The following FAM83E variants were observed in gnomAD, a reference collection of about 807,000 sequenced individuals.
FAM83E encodes protein FAM83E.
A neutral mutation model predicts 34.3 loss-of-function variants in FAM83E; 29 were observed. That is an observed-to-expected ratio of 0.85 (90% CI 0.63 to 1.15). The LOEUF (loss-of-function observed/expected upper bound fraction) is 1.15, where lower values mean the gene tolerates loss of function less well. Ranked by LOEUF, FAM83E falls within the 50% of genes most tolerant of loss-of-function variation. FAM83E has a pLI of 0.00. For missense variants in FAM83E, 697 were observed against 685.0 expected (o/e 1.02, Z -0.20); for synonymous variants, 312 against 311.6 (o/e 1.00, Z -0.01).
chr19:48,608,956 A>G (rs1336722063), intron 5 of FAM83E, among the ~76,000 whole-genome samples: 1 of 151,984 alleles, frequency 6.6e-6, no homozygotes, highest in East Asian at 2.0e-4. Context: ...TGGAGGCTGA[A>G]GATGCCGAGG....
rs546531117 is a variant in FAM83E at position 48,613,478 on chromosome 19, C to A, written c.-106G>T. 1.4e-6 allele frequency: 2 copies of A among 1,432,102 alleles called. No individual in the cohort carries two copies. The highest frequency in any genetic ancestry group is 5.0e-5 in the East Asian group (2 of 39,952). 88.7% of individuals were successfully genotyped at this position (1,432,102 alleles called of 1,614,324 possible). ...TGGGGGTTCTCCTGATAGGCAGACC[C>A]TACGTGGCCATCCGAGGCCTCCGGC... On this transcript the variant is annotated 5_prime_UTR_variant, in exon 3 of 7. It adds an upstream start codon to the 5' untranslated region. Coordinates refer to ENST00000263266, the MANE Select transcript of FAM83E (RefSeq NM_017708.4).
chr19:48,610,684 G>T lies in FAM83E; in HGVS notation c.629C>A (p.Thr210Lys). The T allele has an allele frequency of 6.4e-7, 1 of 1,566,374 alleles. No homozygotes were observed. The highest frequency in any genetic ancestry group is 8.7e-7 in the Non-Finnish European group (1 of 1,155,854). ...AQQLGVNPWN[T>K]ENVDVRVVRG... ...ACCCCCTGGCCCGGCCCCTACCTCC[G>T]TGTTCCAGGGGTTCACCCCCAGCTG... is the stretch of plus-strand genomic sequence containing the variant. Residue 210 changes from threonine (T) to lysine (K), a missense_variant, in exon 4 of 7, where the codon ACG (threonine) becomes AAG (lysine). Thr to Lys is a moderately conservative substitution (Grantham distance 78, BLOSUM62 -1). Coordinates refer to ENST00000263266, the MANE Select transcript of FAM83E (RefSeq NM_017708.4).
intron 3 of FAM83E, among the ~76,000 whole-genome samples, chr19:48,612,358 C>G (rs1384334243): frequency 2.6e-5 from 4 of 151,022 alleles, no homozygotes; most frequent in Non-Finnish European, 5.9e-5. Context: ...GGCATCGATA[C>G]CTAAGGGCAT....
intron 5 of FAM83E, among the ~76,000 whole-genome samples, chr19:48,605,954 C>T (rs1470504047): frequency 6.6e-6 from 1 of 152,134 alleles, no homozygotes; most frequent in Admixed American, 6.6e-5. Flanking sequence ...GCCCTGAGAG[C>T]CTGTGAGCTG....
At position 48,614,180 on chromosome 19, in the gene FAM83E, C is replaced by T; in HGVS notation, c.-808G>A. On this transcript the variant is annotated 5_prime_UTR_variant, in exon 3 of 7. Transcript: ENST00000263266. ...TCAATGGGGGACCCTGCTCCCTGGA[C>T]CCTCCTCACACTCCTTCCAGCTGCT... 1.0e-6 allele frequency: 1 copy of T among 985,848 alleles called. No individual in the cohort carries two copies. Among genetic ancestry groups the T allele is most frequent in the South Asian group, 4.7e-5 (1 of 21,294 alleles). The allele number at this position is 985,848 out of a possible 1,614,324, so 61.1% of individuals were successfully genotyped here.
At chr19:48,604,322 A>ATTTTTTT (rs913336534) in intron 5 of FAM83E, among the ~76,000 whole-genome samples, 19 of 97,918 alleles carry the variant, frequency 1.9e-4, no homozygotes, top group African/African-American at 7.2e-4. Context: ...TGACCCTGGG[A>ATTTTTTT]TTTTTTTTTT....
intron 3 of FAM83E, among the ~76,000 whole-genome samples, chr19:48,611,118 A>G (rs1974033234): frequency 7.2e-6 from 1 of 138,098 alleles, no homozygotes; most frequent in Non-Finnish European, 1.6e-5. Flanking sequence ...AACTGTAATC[A>G]TAAATCATGT....
intron 5 of FAM83E, chr19:48,606,882 G>T: frequency 6.9e-7 from 1 of 1,455,688 alleles, no homozygotes; most frequent in East Asian, 2.4e-5. Flanking sequence ...AAGTCCCGTG[G>T]GCAAGAGGAG....
Position 48,600,275 on chromosome 19 carries a change from C to T in FAM83E, c.*834G>A, listed in dbSNP as rs1366502112. Among the ~76,000 whole-genome samples the T allele has an allele frequency of 1.3e-5, 2 of 152,234 alleles. No individual in the cohort carries two copies. The highest frequency in any genetic ancestry group is 2.9e-5 in the Non-Finnish European group (2 of 68,044). On this transcript the variant is annotated 3_prime_UTR_variant, in exon 7 of 7. Coordinates refer to ENST00000263266, the MANE Select transcript of FAM83E (RefSeq NM_017708.4). Reference sequence around the variant, plus strand: ...TTCTTTAGGATCCGCTGCCTGGGGACGCTGCCAGCCCATCTTCTGGGTTGT... The same window carrying T: ...TTCTTTAGGATCCGCTGCCTGGGGATGCTGCCAGCCCATCTTCTGGGTTGT...
Position 48,600,863 on chromosome 19 carries a change from G to T in FAM83E, c.*246C>A. 1 of 644,752 alleles carries T rather than the reference G, an allele frequency of 1.6e-6. No homozygotes were observed. The highest frequency in any genetic ancestry group is 2.3e-6 in the Non-Finnish European group (1 of 433,036). The allele number at this position is 644,752 out of a possible 1,614,324, so 39.9% of individuals were successfully genotyped here. A position where few individuals can be genotyped will look rare whatever the true frequency, so the allele number is the denominator to read the frequency against. On this transcript the variant is annotated 3_prime_UTR_variant, in exon 7 of 7. Transcript: ENST00000263266. ...AGATGGGGTCTCACTATGTTGCCCAGGCTGGTCTCCAACTCCTGGCCTTAA... is the reference window on the plus strand; with the variant it reads ...AGATGGGGTCTCACTATGTTGCCCATGCTGGTCTCCAACTCCTGGCCTTAA...
intron 5 of FAM83E, among the ~76,000 whole-genome samples, chr19:48,608,102 G>A (rs1973968836): frequency 6.6e-6 from 1 of 152,080 alleles, no homozygotes. Flanking sequence ...TCCAAAAGCT[G>A]TGTATTGTTC....
Position 48,613,399 on chromosome 19 carries a change from CTG to C in FAM83E, c.-29_-28del, listed in dbSNP as rs772737443. Reference sequence around the variant, plus strand: ...GGGGTCACTCGGGTGGGAGGACTGACTGTGAGAGGCTGGGTCCCCGGGGGTCT... The same window carrying C: ...GGGGTCACTCGGGTGGGAGGACTGACTGAGAGGCTGGGTCCCCGGGGGTCT... On this transcript the variant is annotated 5_prime_UTR_variant, in exon 3 of 7. It introduces an in-frame stop codon into an upstream open reading frame of the 5' UTR. Transcript: ENST00000263266. The C allele has an allele frequency of 6.7e-7, 1 of 1,495,746 alleles. No individual in the cohort carries two copies. 92.7% of individuals were successfully genotyped at this position (1,495,746 alleles called of 1,614,324 possible).
At chr19:48,608,435 TC>T (rs1010928540) in intron 5 of FAM83E, among the ~76,000 whole-genome samples, 2 of 138,478 alleles carry the variant, frequency 1.4e-5, no homozygotes, top group Non-Finnish European at 3.1e-5. Context: ...CTTTTTCTTT[TC>T]CTTTTTTTTT....
At chr19:48,608,045 A>C (rs1195926712) in intron 5 of FAM83E, among the ~76,000 whole-genome samples, 2 of 152,162 alleles carry the variant, frequency 1.3e-5, no homozygotes, top group Non-Finnish European at 2.9e-5. Context: ...CTTCCTGAAA[A>C]TGCAGATTCT....
Position 48,609,941 on chromosome 19 carries a change from C to G in FAM83E, c.693G>C (p.Val231=). The G allele has an allele frequency of 1.9e-6, 3 of 1,613,108 alleles. No homozygotes were observed. The South Asian group carries it at 3.3e-5, about 18-fold the overall frequency. ...CSFQSRWRRQ[V]SGTVREKFVL... ...CAAACTTCTCCCGCACGGTGCCGCTCACCTGCCGTCGCCAGCGGCTCTGGA... is the reference window on the plus strand; with the variant it reads ...CAAACTTCTCCCGCACGGTGCCGCTGACCTGCCGTCGCCAGCGGCTCTGGA... The change falls in exon 5 of 7, where the codon GTG becomes GTC. Residue 231 remains valine, a synonymous_variant. Transcript: ENST00000263266.
In FAM83E at chr19:48,601,133, C is replaced by CT; in HGVS notation, c.1412_1413insA (p.Ala472GlyfsTer77). 6.2e-7 allele frequency: 1 copy of CT among 1,612,516 alleles called. No individual in the cohort carries two copies. The highest frequency in any genetic ancestry group is 8.5e-7 in the Non-Finnish European group (1 of 1,179,634). ...TTCAGGGTTGCCCCCCAAGTCCTGC[C>CT]CGGGGGGCCCAGTCTGACGGCCTGA... is the stretch of plus-strand genomic sequence containing the variant. On this transcript the variant is annotated frameshift_variant, in exon 7 of 7. Coordinates refer to ENST00000263266, the MANE Select transcript of FAM83E (RefSeq NM_017708.4). LOFTEE classifies it high-confidence loss of function.
chr19:48,603,619 T>C lies in FAM83E; in HGVS notation c.1051A>G (p.Ser351Gly). The change falls in exon 6 of 7, where the codon AGT becomes GGT. Residue 351 changes from serine (S) to glycine (G), a missense_variant. Coordinates refer to ENST00000263266, the MANE Select transcript of FAM83E (RefSeq NM_017708.4). Reference protein sequence around the residue: ...VSPATPGPALSDILRSVQRAR... With the variant: ...VSPATPGPALGDILRSVQRAR... ...CGCTGCACACTCCTTAGAATGTCAC[T>C]GAGTGCCGGCCCCGGGGTAGCAGGG... 2.1e-6 allele frequency: 3 copies of C among 1,448,662 alleles called. No homozygotes were observed. The highest frequency in any genetic ancestry group is 2.2e-4 in the Middle Eastern group (1 of 4,526). The allele number at this position is 1,448,662 out of a possible 1,614,324, so 89.7% of individuals were successfully genotyped here. A position where few individuals can be genotyped will look rare whatever the true frequency, so the allele number is the denominator to read the frequency against.
chr19:48,613,279 G>T lies in FAM83E; in HGVS notation c.94C>A (p.Arg32=), dbSNP rs540940765. The part of the protein sequence containing the change: ...SPGFLYSEGQ[R]LALEALLSKG... ...CTCAACAGAGCCTCCAGTGCCAGCC[G>T]CTGGCCCTCGGAATATAGAAAGCCG... The change falls in exon 3 of 7, where the codon CGG becomes AGG. Residue 32 remains arginine, a synonymous_variant. Coordinates refer to ENST00000263266, the MANE Select transcript of FAM83E (RefSeq NM_017708.4). 57 of 1,608,928 alleles carry T rather than the reference G, an allele frequency of 3.5e-5. No homozygotes were observed. The East Asian group carries it at 8.9e-4, about 25-fold the overall frequency.
intron 6 of FAM83E, 83 bp from the exon 7 acceptor site, chr19:48,601,452 A>G: frequency 6.6e-7 from 1 of 1,510,818 alleles, no homozygotes; most frequent in African/African-American, 1.4e-5. Context: ...GCAGGAGGTG[A>G]GGCAAGAGAG....
Sources: allele counts gnomAD v4.1 joint callset (sites outside exome capture counted in the v4.1 genomes callset), GRCh38; gene constraint gnomAD v4.1.1; transcripts MANE v1.5; gene names NCBI Gene and HGNC (gene_info 2026-07-23, HGNC 2026-07-21).